The following SLCO6A1 variants were observed in gnomAD, a reference collection of about 807,000 sequenced individuals.
SLCO6A1 encodes cancer/testis antigen 48.
SLCO6A1 carries 65 observed loss-of-function variants against 72.7 expected under a neutral mutation model. That is an observed-to-expected ratio of 0.89 (90% CI 0.73 to 1.10). The LOEUF is 1.10. SLCO6A1 is among the 50% of genes least tolerant of loss of function. SLCO6A1 has a pLI of 0.00. For missense variants in SLCO6A1, 874 were observed against 872.6 expected, an observed-to-expected ratio of 1.00 and a Z score of -0.02; for synonymous variants, 314 against 298.2, an observed-to-expected ratio of 1.05 and a Z score of -0.55.
rs990011796 is a variant in SLCO6A1, at chr5:102,373,440, T to C, written c.2072A>G (p.Tyr691Cys). 3 of 1,575,688 alleles carry C rather than the reference T, an allele frequency of 1.9e-6. No individual in the cohort carries two copies. Among genetic ancestry groups the C allele is most frequent in the Non-Finnish European group, 2.6e-6 (3 of 1,163,950 alleles). The stretch of plus-strand genomic sequence containing the variant: ...AGTGTTCTCATTTAGACGACGTTTG[T>C]ATATGAAAAATGCAATAGTAGTGAA... ...IIFTTIAFFI[Y>C]KRRLNENTDF... is the part of the protein sequence containing the mutation. The change falls in exon 13 of 14, where the codon TAC becomes TGC. Residue 691 changes from tyrosine to cysteine, a missense_variant. Coordinates refer to ENST00000506729, the MANE Select transcript of SLCO6A1 (RefSeq NM_173488.5).
chr5:102,379,513 T>G (rs182141903), intron 12 of SLCO6A1, among the ~76,000 whole-genome samples: 1 of 152,254 alleles, frequency 6.6e-6, no homozygotes, highest in Admixed American at 6.5e-5. Context: ...AACCTTTTTG[T>G]TTGTTTAACC....
chr5:102,440,424 C>G (rs571610606), intron 6 of SLCO6A1, among the ~76,000 whole-genome samples: 10 of 152,170 alleles, frequency 6.6e-5, no homozygotes, highest in Non-Finnish European at 1.2e-4. Context: ...AATCTAATAC[C>G]TGTTTATCTG....
intron 6 of SLCO6A1, among the ~76,000 whole-genome samples, chr5:102,453,350 AAAAG>A (rs900185494): frequency 1.3e-5 from 2 of 151,472 alleles, no homozygotes; most frequent in Non-Finnish European, 2.9e-5. Context: ...AAAAAAAAAA[AAAAG>A]AAAGAAAGAA....
chr5:102,383,633 C>T (rs922417482), intron 12 of SLCO6A1, among the ~76,000 whole-genome samples: 3 of 151,722 alleles, frequency 2.0e-5, no homozygotes, highest in African/African-American at 7.2e-5. Context: ...TTGTGTTCAT[C>T]AGGGATATTG....
intron 10 of SLCO6A1, among the ~76,000 whole-genome samples, chr5:102,392,666 A>AT: frequency 6.6e-6 from 1 of 152,130 alleles, no homozygotes; most frequent in Non-Finnish European, 1.5e-5. Flanking sequence ...CACAACTAAG[A>AT]TTTTAATGAA....
At chr5:102,431,428 A>C (rs1009439472) in intron 7 of SLCO6A1, among the ~76,000 whole-genome samples, 1 of 152,082 alleles carries the variant, frequency 6.6e-6, no homozygotes, top group African/African-American at 2.4e-5. Flanking sequence ...TGCCTTAGCT[A>C]TATCCCAGAG....
At chr5:102,384,372 C>T (rs943543287) in intron 12 of SLCO6A1, among the ~76,000 whole-genome samples, 15 of 151,952 alleles carry the variant, frequency 9.9e-5, no homozygotes, top group African/African-American at 3.6e-4. Context: ...TTTTAAATTG[C>T]TCTCTGACTG....
intron 6 of SLCO6A1, among the ~76,000 whole-genome samples, chr5:102,439,282 A>G (rs1394198099): frequency 6.6e-6 from 1 of 152,016 alleles, no homozygotes; most frequent in East Asian, 1.9e-4. Context: ...TAAATTTTGC[A>G]TTTTGGTAAA....
chr5:102,436,820 CT>C (rs912315667), intron 7 of SLCO6A1, among the ~76,000 whole-genome samples: 1 of 152,160 alleles, frequency 6.6e-6, no homozygotes, highest in African/African-American at 2.4e-5. Context: ...AAAGTCCTAA[CT>C]TACAGCAATC....
At chr5:102,482,723 T>C (rs1231438434) in intron 1 of SLCO6A1, among the ~76,000 whole-genome samples, 1 of 152,206 alleles carries the variant, frequency 6.6e-6, no homozygotes, top group Non-Finnish European at 1.5e-5. Flanking sequence ...AGCAATGTGT[T>C]GGTAAATATG....
chr5:102,399,884 T>C, intron 9 of SLCO6A1, 142 bp from the exon 10 acceptor site: 1 of 542,992 alleles, frequency 1.8e-6, no homozygotes, highest in Non-Finnish European at 3.0e-6. Context: ...AAGCCTGCTA[T>C]GTATTATTTA....
intron 9 of SLCO6A1, among the ~76,000 whole-genome samples, chr5:102,411,471 C>A (rs1246763588): frequency 6.6e-6 from 1 of 152,006 alleles, no homozygotes; most frequent in Non-Finnish European, 1.5e-5. Flanking sequence ...CGCCATGTTG[C>A]CCAGGCTGGT....
intron 2 of SLCO6A1, among the ~76,000 whole-genome samples, chr5:102,479,166 T>A (rs1373730927): frequency 1.3e-5 from 2 of 152,144 alleles, no homozygotes; most frequent in Non-Finnish European, 2.9e-5. Context: ...CTTGCTGTTC[T>A]CGTGATAGTG....
In SLCO6A1 at chr5:102,498,981, TC is replaced by T; in HGVS notation, c.-138del. On this transcript the variant is annotated 5_prime_UTR_variant, in exon 1 of 14. Coordinates refer to ENST00000506729, the MANE Select transcript of SLCO6A1 (RefSeq NM_173488.5). ...ACAAGGGGCTCTTGCCGCCCAAGCC[TC>T]CAGAGCGAACGTTTCTCCTAGGGCA... The T allele has an allele frequency of 1.2e-6, 1 of 804,446 alleles. No homozygotes were observed. Among genetic ancestry groups the T allele is most frequent in the Non-Finnish European group, 2.0e-6 (1 of 504,542 alleles). 49.8% of individuals were successfully genotyped at this position (804,446 alleles called of 1,614,324 possible).
chr5:102,397,638 C>T (rs1747167328), intron 10 of SLCO6A1, among the ~76,000 whole-genome samples: 1 of 152,118 alleles, frequency 6.6e-6, no homozygotes, highest in African/African-American at 2.4e-5. Context: ...AAGTCCTGCT[C>T]CCAGAAGGTC....
chr5:102,402,544 T>C (rs1747456865), intron 9 of SLCO6A1, among the ~76,000 whole-genome samples: 4 of 152,192 alleles, frequency 2.6e-5, no homozygotes, highest in Admixed American at 2.6e-4. Flanking sequence ...CTCATAATTC[T>C]GAAGGCTGGC....
intron 7 of SLCO6A1, among the ~76,000 whole-genome samples, chr5:102,435,846 G>C (rs371953108): frequency 6.6e-6 from 1 of 150,602 alleles, no homozygotes; most frequent in Non-Finnish European, 1.5e-5. Flanking sequence ...TTGCACCCCA[G>C]CCTGGGCAAC....
At chr5:102,413,709 T>C (rs1010145440) in intron 8 of SLCO6A1, among the ~76,000 whole-genome samples, 1 of 152,210 alleles carries the variant, frequency 6.6e-6, no homozygotes, top group Non-Finnish European at 1.5e-5. Context: ...AGAACTGTTG[T>C]GATATTTTAC....
intron 1 of SLCO6A1, 113 bp downstream of exon 1, chr5:102,498,373 AC>A: frequency 1.0e-6 from 1 of 999,094 alleles, no homozygotes; most frequent in East Asian, 2.4e-5. Flanking sequence ...AGGCTGGGCC[AC>A]CCCAGGGCAT....
Sources: allele counts gnomAD v4.1 joint callset (sites outside exome capture counted in the v4.1 genomes callset), GRCh38; gene constraint gnomAD v4.1.1; transcripts MANE v1.5; gene names NCBI Gene and HGNC (gene_info 2026-07-23, HGNC 2026-07-21).